PPP4R1: variants seen among roughly 807,000 people sequenced by gnomAD.
PPP4R1 encodes protein phosphatase 4 regulatory subunit 1.
A neutral mutation model predicts 111.2 loss-of-function variants in PPP4R1; 42 were observed. The observed-to-expected ratio is 0.38, with a 90% confidence interval of 0.29 to 0.49. The LOEUF is 0.49. PPP4R1 is among the 20% of genes least tolerant of loss of function. The pLI, the probability that PPP4R1 is intolerant of heterozygous loss-of-function variation, is 0.97. For synonymous variants in PPP4R1, 409 were observed against 405.5 expected (o/e 1.01, Z -0.10); for missense variants, 1,012 against 1,161.6 (o/e 0.87, Z 1.87).
At chr18:9,611,110 C>T (rs2067572112) in intron 2 of PPP4R1, among the ~76,000 whole-genome samples, 2 of 152,168 alleles carry the variant, frequency 1.3e-5, no homozygotes, top group Admixed American at 1.3e-4. Flanking sequence ...AGATCATCTG[C>T]ACAACAGAAC....
At chr18:9,556,137 G>A (rs1448905280) in intron 15 of PPP4R1, among the ~76,000 whole-genome samples, 4 of 148,170 alleles carry the variant, frequency 2.7e-5, no homozygotes, top group South Asian at 4.3e-4. Context: ...CTCCAGCCTT[G>A]TGACAGAGCG....
chr18:9,614,602 T>G, upstream of PPP4R1: 1 of 576,136 alleles, frequency 1.7e-6, no homozygotes, highest in Non-Finnish European at 2.2e-6. This position sits in a 1 kb window ranked among gnomAD's most constrained non-coding sequence, Gnocchi z 4.1. Flanking sequence ...AGGGCCGGGC[T>G]GGCGGGGGCG....
intron 19 of PPP4R1, among the ~76,000 whole-genome samples, 163 bp downstream of exon 19, chr18:9,549,034 C>T (rs555778612): frequency 6.6e-6 from 1 of 152,356 alleles, no homozygotes; most frequent in African/African-American, 2.4e-5. Context: ...CTTTCATCTT[C>T]CATGCCCTCT....
chr18:9,606,836 A>G (rs1019859462), intron 2 of PPP4R1, among the ~76,000 whole-genome samples: 3 of 152,186 alleles, frequency 2.0e-5, no homozygotes, highest in African/African-American at 7.2e-5. Flanking sequence ...TCTGACATAC[A>G]CTTGTGGATC....
At chr18:9,597,219 C>A (rs925489767) in intron 2 of PPP4R1, among the ~76,000 whole-genome samples, 1 of 152,148 alleles carries the variant, frequency 6.6e-6, no homozygotes, top group Non-Finnish European at 1.5e-5. Context: ...ACAGTGATCT[C>A]TGAGAAAGAG....
At chr18:9,603,911 GA>G (rs1185254496) in intron 2 of PPP4R1, among the ~76,000 whole-genome samples, 3 of 151,822 alleles carry the variant, frequency 2.0e-5, no homozygotes, top group African/African-American at 7.3e-5. Flanking sequence ...AAGAGATAAA[GA>G]AAAAAATGCA....
In PPP4R1 at chr18:9,553,987, T is replaced by C. The variant is rs529648234; in HGVS notation, c.2191-565A>G. Among the ~76,000 whole-genome samples the C allele has an allele frequency of 2.6e-5, 4 of 152,364 alleles. No individual in the cohort carries two copies. The East Asian group carries it at 7.7e-4, about 29-fold the overall frequency. On this transcript the variant is annotated intron_variant, in intron 15 of 19. Transcript: ENST00000400556. ...AAGTGTGAACTGACTACTTTGACCATACATCTTCAAGGGACGTTCTAAGGA... is the reference window on the plus strand; with the variant it reads ...AAGTGTGAACTGACTACTTTGACCACACATCTTCAAGGGACGTTCTAAGGA...
chr18:9,597,501 C>T (rs1022668335), intron 2 of PPP4R1, among the ~76,000 whole-genome samples: 2 of 152,126 alleles, frequency 1.3e-5, no homozygotes, highest in African/African-American at 2.4e-5. Flanking sequence ...GGAAACTAGT[C>T]GGTATTCTGG....
chr18:9,564,739 G>GTGT (rs1568094920), intron 11 of PPP4R1, among the ~76,000 whole-genome samples: 269 of 17,370 alleles, frequency 0.015, 1 homozygote, highest in South Asian at 0.071. Context: ...TGTGTGTGTG[G>GTGT]GGGTATCATC....
intron 15 of PPP4R1, 24 bp downstream of exon 15, chr18:9,557,197 T>TA: frequency 6.4e-7 from 1 of 1,553,748 alleles, no homozygotes; most frequent in South Asian, 1.2e-5. Flanking sequence ...GTTGTGTTTT[T>TA]ATGCAAAAAA....
Position 9,588,857 on chromosome 18 carries a change from T to C in PPP4R1, c.296-4A>G, listed in dbSNP as rs3816280. On this transcript the variant is annotated splice_region_variant and splice_polypyrimidine_tract_variant and intron_variant, in intron 4 of 19. Transcript: ENST00000400556. ...AGCTCCGCTCTCACAGTTGGTTCTA[T>C]TGAAATAACGGCAATGTGAGCAAAC... The C allele has an allele frequency of 2.4e-5, 38 of 1,611,568 alleles. No individual in the cohort carries two copies. In the East Asian group the frequency reaches 2.7e-4, roughly 11 times the overall value.
At chr18:9,580,401 G>A (rs963111882) in intron 9 of PPP4R1, among the ~76,000 whole-genome samples, 1 of 150,964 alleles carries the variant, frequency 6.6e-6, no homozygotes, top group Non-Finnish European at 1.5e-5. Flanking sequence ...CCAGGCTGGA[G>A]TGCAATGGCG....
chr18:9,563,202 T>C (rs2066705716), intron 12 of PPP4R1, 176 bp downstream of exon 12: 3 of 1,189,472 alleles, frequency 2.5e-6, no homozygotes, highest in African/African-American at 3.2e-5. Context: ...CATATGACAC[T>C]AATGTCACGA....
Position 9,614,278 on chromosome 18 carries a change from G to T in PPP4R1, c.8-8C>A. The T allele has an allele frequency of 7.6e-7, 1 of 1,315,630 alleles. No individual in the cohort carries two copies. Among genetic ancestry groups the T allele is most frequent in the Non-Finnish European group, 9.8e-7 (1 of 1,019,736 alleles). 81.5% of individuals were successfully genotyped at this position (1,315,630 alleles called of 1,614,324 possible). A position where few individuals can be genotyped will look rare whatever the true frequency, so the allele number is the denominator to read the frequency against. On this transcript the variant is annotated splice_region_variant and splice_polypyrimidine_tract_variant and intron_variant, in intron 1 of 19. Transcript: ENST00000400556. This position sits in a 1 kb window ranked among gnomAD's most constrained non-coding sequence, Gnocchi z 4.1. ...CCTGAAGCAGCGAGAGGTCTGCGCC[G>T]AGGGGAGAGAAGAAAGGCCCGGTCA...
At chr18:9,566,756 C>T (rs1054439446) in intron 11 of PPP4R1, among the ~76,000 whole-genome samples, 8 of 152,134 alleles carry the variant, frequency 5.3e-5, no homozygotes, top group African/African-American at 1.9e-4. Context: ...TAAATCTACT[C>T]TGCCTGTGCT....
intron 4 of PPP4R1, 87 bp from the exon 5 acceptor site, chr18:9,588,940 T>C: frequency 6.8e-7 from 1 of 1,477,086 alleles, no homozygotes; most frequent in South Asian, 1.3e-5. Context: ...AGGAAGGCTA[T>C]GGACTTTCAT....
intron 4 of PPP4R1, among the ~76,000 whole-genome samples, chr18:9,590,626 G>A (rs1465445063): frequency 2.6e-5 from 4 of 151,954 alleles, no homozygotes; most frequent in African/African-American, 9.7e-5. Flanking sequence ...ACAGACAACC[G>A]ATTTATTAAA....
At chr18:9,549,165 C>T in intron 19 of PPP4R1, 32 bp downstream of exon 19, 10 of 1,600,224 alleles carry the variant, frequency 6.2e-6, no homozygotes, top group Non-Finnish European at 8.6e-6. Context: ...CTTCTCTACT[C>T]ACACGCTTCT....
rs1236395793 is a variant in PPP4R1 at position 9,614,493 on chromosome 18, C to T, written c.-9G>A. The stretch of plus-strand genomic sequence containing the variant: ...GGCCACGTACCCGCCATCTTGTGGT[C>T]GCCCCCTCCTCCGCGGCCGCCCGGG... On this transcript the variant is annotated 5_prime_UTR_variant, in exon 1 of 20. Coordinates refer to ENST00000400556, the MANE Select transcript of PPP4R1 (RefSeq NM_001042388.3). This position sits in a 1 kb window ranked among gnomAD's most constrained non-coding sequence, Gnocchi z 4.1. 2.9e-6 allele frequency: 3 copies of T among 1,029,726 alleles called. No individual in the cohort carries two copies. Among genetic ancestry groups the T allele is most frequent in the East Asian group, 7.6e-5 (1 of 13,174 alleles). The allele number at this position is 1,029,726 out of a possible 1,614,324, so 63.8% of individuals were successfully genotyped here.
Sources: gnomAD v4.1 joint callset for allele counts (sites outside exome capture counted in the v4.1 genomes callset) on GRCh38, gnomAD v4.1.1 for gene constraint, Gnocchi (gnomAD v3.1) non-coding constraint, MANE v1.5 for transcripts, NCBI Gene and HGNC (gene_info 2026-07-23, HGNC 2026-07-21) for gene names.